CEP290: variants seen among roughly 807,000 people sequenced by gnomAD.
CEP290 encodes the protein centrosomal protein of 290 kDa.
A neutral mutation model predicts 344.9 loss-of-function variants in CEP290; 317 were observed. The ratio of observed to expected loss-of-function variants is 0.92; its 90% CI spans 0.84 to 1.01. The LOEUF (loss-of-function observed/expected upper bound fraction) is 1.01, where lower values mean the gene tolerates loss of function less well. CEP290 is among the 50% of genes least tolerant of loss of function. The pLI is 0.00. For missense variants in CEP290, 2,754 were observed against 2,761.4 expected, an observed-to-expected ratio of 1.00 and a Z score of 0.06; for synonymous variants, 932 against 895.8, an observed-to-expected ratio of 1.04 and a Z score of -0.72.
At chr12:88,096,050 ATT>A (rs72194586) in intron 27 of CEP290, among the ~76,000 whole-genome samples, 8,473 of 150,118 alleles carry the variant, frequency 0.056, 789 homozygotes, top group African/African-American at 0.2. Context: ...AATAAAACAA[ATT>A]TTTTTTTTTT....
Position 88,140,862 on chromosome 12 carries a change from C to T in CEP290, c.180+94G>A, listed in dbSNP as rs540148272. ...TTTTTTAGTGGTGATGTAGATATTACCAGGTATTTTCACAAAGATTACCTT... is the reference window on the plus strand; with the variant it reads ...TTTTTTAGTGGTGATGTAGATATTATCAGGTATTTTCACAAAGATTACCTT... On this transcript the variant is annotated intron_variant, in intron 3 of 53. Coordinates refer to ENST00000552810, the MANE Select transcript of CEP290 (RefSeq NM_025114.4). The T allele has an allele frequency of 1.5e-4, 105 of 722,366 alleles. No homozygotes were observed. In the African/African-American group the frequency reaches 1.8e-3, roughly 12 times the overall value. 44.7% of individuals were successfully genotyped at this position (722,366 alleles called of 1,614,324 possible).
chr12:88,120,141 C>T lies in CEP290; in HGVS notation c.1495G>A (p.Glu499Lys). 6.5e-7 allele frequency: 1 copy of T among 1,548,730 alleles called. No homozygotes were observed. The highest frequency in any genetic ancestry group is 2.4e-5 in the East Asian group (1 of 41,856). The change falls in exon 15 of 54, where the codon GAA becomes AAA. Residue 499 changes from glutamate (E) to lysine (K), a missense_variant. Glu to Lys is a moderately conservative substitution (Grantham distance 56). Transcript: ENST00000552810. The stretch of plus-strand genomic sequence containing the variant: ...ACACGCTCTCTAAGTGCCTCATTTT[C>T]ATCAAGGAAATCACTGATCTTCAAT... ...LELKISDFLD[E>K]NEALRERVGL...
intron 27 of CEP290, 33 bp from the exon 28 acceptor site, chr12:88,094,008 C>T (rs1402753002): frequency 1.1e-5 from 16 of 1,481,080 alleles, no homozygotes; most frequent in Non-Finnish European, 1.5e-5. Context: ...CAATCTCATG[C>T]TGTTTATATT....
chr12:88,095,069 T>A (rs914035250), intron 27 of CEP290, among the ~76,000 whole-genome samples: 2 of 152,126 alleles, frequency 1.3e-5, no homozygotes, highest in African/African-American at 4.8e-5. Context: ...CTAAAAGCAT[T>A]AGTAAATCAG....
At chr12:88,061,969 G>T (rs2034519992) in intron 46 of CEP290, among the ~76,000 whole-genome samples, 1 of 151,994 alleles carries the variant, frequency 6.6e-6, no homozygotes, top group African/African-American at 2.4e-5. Flanking sequence ...AGTAGAGATG[G>T]GGTTTCACCA....
intron 45 of CEP290, 119 bp downstream of exon 45, chr12:88,063,862 C>A: frequency 1.3e-6 from 1 of 791,752 alleles, no homozygotes; most frequent in Admixed American, 3.3e-5. Flanking sequence ...AGTATACCAT[C>A]ACCATGATAT....
chr12:88,099,163 C>A (rs558695683), intron 26 of CEP290, among the ~76,000 whole-genome samples: 1 of 152,022 alleles, frequency 6.6e-6, no homozygotes, highest in Admixed American at 6.6e-5. Flanking sequence ...GTTAGAGCTG[C>A]GAGGATGAAG....
chr12:88,077,949 T>A (rs1328394208), intron 39 of CEP290, 31 bp from the exon 40 acceptor site: 20 of 947,062 alleles, frequency 2.1e-5, no homozygotes, highest in Non-Finnish European at 3.0e-5. Context: ...GTATTATTCA[T>A]GACTCTTCAA....
chr12:88,089,726 G>GTTT (rs1185071952), intron 30 of CEP290, among the ~76,000 whole-genome samples: 8 of 130,904 alleles, frequency 6.1e-5, no homozygotes, highest in South Asian at 4.9e-4. Context: ...TGTTACTGGT[G>GTTT]TTTTTTTTTT....
At chr12:88,088,252 C>G (rs2036747390) in intron 31 of CEP290, among the ~76,000 whole-genome samples, 3 of 152,128 alleles carry the variant, frequency 2.0e-5, no homozygotes, top group Non-Finnish European at 4.4e-5. Flanking sequence ...TTTGGTATTA[C>G]TTTCAAAAAC....
In CEP290 at chr12:88,068,610, T is replaced by G. The variant is rs1454079582; in HGVS notation, c.6047A>C (p.Glu2016Ala). 9.4e-6 allele frequency: 15 copies of G among 1,594,674 alleles called. No homozygotes were observed. The highest frequency in any genetic ancestry group is 1.1e-5 in the Non-Finnish European group (13 of 1,173,698). Reference sequence around the variant, plus strand: ...GTATCTATTTTGTAAATGTAAATCTTCTACAACAGAATCTCGAGGAAGAGC... The same window carrying G: ...GTATCTATTTTGTAAATGTAAATCTGCTACAACAGAATCTCGAGGAAGAGC... ...HQALPRDSVVEDLHLQNRYLQ... is the reference protein window; with the variant it reads ...HQALPRDSVVADLHLQNRYLQ... The change falls in exon 44 of 54, where the codon GAA becomes GCA. Residue 2016 changes from glutamate to alanine, a missense_variant. By Grantham distance (107) the Glu-to-Ala change is moderately radical. Transcript: ENST00000552810.
At chr12:88,083,740 T>C in intron 36 of CEP290, 107 bp downstream of exon 36, 1 of 710,492 alleles carries the variant, frequency 1.4e-6, no homozygotes. Flanking sequence ...AAGATTATTT[T>C]GGCAACAAAA....
chr12:88,139,916 T>C (rs918784320), intron 3 of CEP290, among the ~76,000 whole-genome samples: 8 of 152,022 alleles, frequency 5.3e-5, no homozygotes, highest in African/African-American at 1.9e-4. Flanking sequence ...TGGTGTGCCA[T>C]CATGCTCGGC....
chr12:88,126,454 A>G lies in CEP290; in HGVS notation c.943-16T>C, dbSNP rs764693893. The G allele has an allele frequency of 2.1e-6, 3 of 1,460,168 alleles. No homozygotes were observed. Among genetic ancestry groups the G allele is most frequent in the Admixed American group, 5.3e-5 (2 of 37,604 alleles). The allele number at this position is 1,460,168 out of a possible 1,614,324, so 90.5% of individuals were successfully genotyped here. On this transcript the variant is annotated splice_polypyrimidine_tract_variant and intron_variant, in intron 11 of 53. Coordinates refer to ENST00000552810, the MANE Select transcript of CEP290 (RefSeq NM_025114.4). ...ACAAAATTAGCTAGAAATAAACACA[A>G]TAGAATCTGTTATGCAAAAGGAAAG...
chr12:88,069,882 AG>A (rs2035234356), intron 43 of CEP290, among the ~76,000 whole-genome samples: 1 of 152,242 alleles, frequency 6.6e-6, no homozygotes, highest in African/African-American at 2.4e-5. Flanking sequence ...ATATGATCAC[AG>A]ATCATTTGTA....
At chr12:88,088,216 A>T (rs1391848885) in intron 31 of CEP290, among the ~76,000 whole-genome samples, 1 of 152,212 alleles carries the variant, frequency 6.6e-6, no homozygotes, top group East Asian at 1.9e-4. Context: ...TTTATTGAAC[A>T]CTGACTATAA....
intron 5 of CEP290, among the ~76,000 whole-genome samples, chr12:88,137,129 C>T (rs2040394518): frequency 6.6e-6 from 1 of 152,066 alleles, no homozygotes; most frequent in Non-Finnish European, 1.5e-5. Context: ...TCAGAATCTC[C>T]ACCCCAGTCA....
At chr12:88,119,251 AT>A (rs1291908629) in intron 15 of CEP290, among the ~76,000 whole-genome samples, 3 of 152,210 alleles carry the variant, frequency 2.0e-5, no homozygotes, top group Non-Finnish European at 4.4e-5. Context: ...ACAAATGATC[AT>A]TTTTAACTAA....
At position 88,092,832 on chromosome 12, in the gene CEP290, G is replaced by C; in HGVS notation, c.3310C>G (p.Leu1104Val). The change falls in exon 29 of 54, where the codon CTT (leucine) becomes GTT (valine). Residue 1104 changes from leucine to valine, a missense_variant and splice_region_variant. By Grantham distance (32) the Leu-to-Val change is conservative. Coordinates refer to ENST00000552810, the MANE Select transcript of CEP290 (RefSeq NM_025114.4). The part of the protein sequence containing the change: ...NFELETKFAE[L>V]TKINLDAQKV... The stretch of plus-strand genomic sequence containing the variant: ...TGTGCATCCAAATTGATTTTGGTAA[G>C]CTAAGGAAATGTAACAAAAAATGTT... The C allele has an allele frequency of 6.2e-7, 1 of 1,607,966 alleles. No homozygotes were observed. The highest frequency in any genetic ancestry group is 8.5e-7 in the Non-Finnish European group (1 of 1,178,106).
Sources: gnomAD v4.1 joint callset for allele counts (sites outside exome capture counted in the v4.1 genomes callset) on GRCh38, gnomAD v4.1.1 for gene constraint, MANE v1.5 for transcripts, NCBI Gene and HGNC (gene_info 2026-07-23, HGNC 2026-07-21) for gene names.